The following DCLK1 variants were observed in gnomAD, a reference collection of about 807,000 sequenced individuals.
DCLK1 encodes the protein serine/threonine-protein kinase DCLK1.
In DCLK1, 16 loss-of-function variants were observed where a neutral mutation model predicts 86.2. The ratio of observed to expected loss-of-function variants is 0.19; its 90% CI spans 0.13 to 0.28. The LOEUF is 0.28. Ranked by LOEUF, DCLK1 falls within the 10% of genes least tolerant of loss-of-function variation. The pLI is 1.00. For synonymous variants in DCLK1, 369 were observed against 370.5 expected (o/e 1.00, Z 0.05); for missense variants, 590 against 940.2 (o/e 0.63, Z 4.87).
chr13:36,060,388 G>C (rs1349952265), intron 3 of DCLK1, among the ~76,000 whole-genome samples: 2 of 152,086 alleles, frequency 1.3e-5, no homozygotes, highest in Admixed American at 6.5e-5. Context: ...CAGTGGTACA[G>C]TGGCCAGAAA....
intron 3 of DCLK1, among the ~76,000 whole-genome samples, chr13:36,107,659 T>G (rs1320030109): frequency 6.6e-6 from 1 of 152,154 alleles, no homozygotes; most frequent in Non-Finnish European, 1.5e-5. Flanking sequence ...ATCTATGTTC[T>G]TTATAGTATA....
intron 8 of DCLK1, among the ~76,000 whole-genome samples, chr13:35,833,437 G>A (rs1179083805): frequency 6.6e-6 from 1 of 152,164 alleles, no homozygotes; most frequent in Admixed American, 6.5e-5. Context: ...CAGCTTCAAA[G>A]TAGAGCATGT....
At chr13:35,930,139 T>A (rs748506083) in intron 4 of DCLK1, among the ~76,000 whole-genome samples, 1 of 152,200 alleles carries the variant, frequency 6.6e-6, no homozygotes, top group Non-Finnish European at 1.5e-5. Context: ...TTTCCTGAAG[T>A]AGATATTTAA....
chr13:36,117,095 G>C (rs1885817349), intron 2 of DCLK1, among the ~76,000 whole-genome samples: 1 of 151,896 alleles, frequency 6.6e-6, no homozygotes, highest in Non-Finnish European at 1.5e-5. Context: ...AAATGAACTT[G>C]AATGTGTATG....
At chr13:36,072,749 C>T (rs1335867844) in intron 3 of DCLK1, among the ~76,000 whole-genome samples, 1 of 152,162 alleles carries the variant, frequency 6.6e-6, no homozygotes, top group Non-Finnish European at 1.5e-5. Flanking sequence ...AGCCATACAC[C>T]CTGCAACCAG....
At position 35,773,166 on chromosome 13, in the gene DCLK1, G is replaced by A. The variant is rs1254599604; in HGVS notation, c.*1369C>T. On this transcript the variant is annotated 3_prime_UTR_variant, in exon 17 of 17. Transcript: ENST00000360631. ...TGGAATCTGTTCCAGAAGAAACTCA[G>A]GCCTGGAGACACTGCACTAGGGAGA... is the stretch of plus-strand genomic sequence containing the variant. 6.6e-6 allele frequency: 1 copy of A among 152,508 alleles called. No individual in the cohort carries two copies. Among genetic ancestry groups the A allele is most frequent in the East Asian group, 1.9e-4 (1 of 5,184 alleles). 9.4% of individuals were successfully genotyped at this position (152,508 alleles called of 1,614,324 possible). A position where few individuals can be genotyped will look rare whatever the true frequency, so the allele number is the denominator to read the frequency against.
intron 10 of DCLK1, among the ~76,000 whole-genome samples, chr13:35,823,732 C>G (rs2087452004): frequency 6.6e-6 from 1 of 152,194 alleles, no homozygotes. Context: ...TACCAAACCG[C>G]TATGCACAGT....
chr13:35,846,403 C>T (rs1043520688), intron 6 of DCLK1: 20 of 985,180 alleles, frequency 2.0e-5, no homozygotes, highest in Middle Eastern at 5.2e-4. Context: ...ACTACCCTGG[C>T]TTCAAAAACA....
rs140269668 is a variant in DCLK1, at chr13:35,936,962, C to CTTTTTTTTTTTT, written c.823+10384_823+10395dup. ...TTAAAACATCCAAAAGAAAAGTTAG[C>CTTTTTTTTTTTT]TTTTTTTTTTTTTTTTTTTTTTTTT... On this transcript the variant is annotated intron_variant, in intron 4 of 16. Coordinates refer to ENST00000360631, the MANE Select transcript of DCLK1 (RefSeq NM_001330071.2). Among the ~76,000 whole-genome samples the CTTTTTTTTTTTT allele has an allele frequency of 6.1e-5, 4 of 65,712 alleles. 1 individual carries two copies. The highest frequency in any genetic ancestry group is 2.0e-4 in the Admixed American group (1 of 5,082). The allele number at this position is 65,712 out of a possible 152,430, so 43.1% of individuals were successfully genotyped here.
intron 8 of DCLK1, among the ~76,000 whole-genome samples, chr13:35,830,967 G>T (rs1868914479): frequency 6.6e-6 from 1 of 151,700 alleles, no homozygotes; most frequent in Non-Finnish European, 1.5e-5. Context: ...CAGGAGGGCT[G>T]AACCCCCTTT....
intron 15 of DCLK1, among the ~76,000 whole-genome samples, chr13:35,799,645 C>T (rs2086880854): frequency 6.6e-6 from 1 of 151,886 alleles, no homozygotes; most frequent in Non-Finnish European, 1.5e-5. Context: ...AGAAGAATAA[C>T]TCGGGATAAG....
chr13:35,989,778 C>G (rs1593796820), intron 3 of DCLK1, among the ~76,000 whole-genome samples: 4 of 150,696 alleles, frequency 2.7e-5, no homozygotes, highest in South Asian at 2.1e-4. Flanking sequence ...TCTTGAACTC[C>G]TGGTTTCAAG....
chr13:35,776,574 T>C (rs181007381), intron 16 of DCLK1, among the ~76,000 whole-genome samples: 4 of 152,344 alleles, frequency 2.6e-5, no homozygotes, highest in East Asian at 3.9e-4. Flanking sequence ...TCTCATCTTT[T>C]AAATAAGAAG....
chr13:36,038,594 C>A (rs1882591552), intron 3 of DCLK1, among the ~76,000 whole-genome samples: 2 of 152,142 alleles, frequency 1.3e-5, no homozygotes, highest in Non-Finnish European at 2.9e-5. Context: ...AACTTATGCA[C>A]AACTGATCTT....
At chr13:36,098,009 G>T (rs6563340) in intron 3 of DCLK1, among the ~76,000 whole-genome samples, 151,881 of 152,316 alleles carry the variant, frequency 1, 75,724 homozygotes, top group East Asian at 1. Context: ...ATCTGTGAAA[G>T]GGAGATAACA....
chr13:35,947,818 T>G (rs560420247), intron 3 of DCLK1, among the ~76,000 whole-genome samples: 1 of 152,302 alleles, frequency 6.6e-6, no homozygotes, highest in African/African-American at 2.4e-5. Context: ...CAGCATATGG[T>G]TTTAACAACA....
At position 35,889,137 on chromosome 13, in the gene DCLK1, G is replaced by A. The variant is rs187736509; in HGVS notation, c.824-17797C>T. Among the ~76,000 whole-genome samples the A allele has an allele frequency of 3.1e-3, 479 of 152,204 alleles. 6 individuals are homozygous for A. The highest frequency in any genetic ancestry group is 3.0e-3 in the Non-Finnish European group (204 of 68,008). On this transcript the variant is annotated intron_variant, in intron 4 of 16. Coordinates refer to ENST00000360631, the MANE Select transcript of DCLK1 (RefSeq NM_001330071.2). ...AAAAATTACAGAAACCTAAAACATC[G>A]TTTAGCTAAGAGAGAAGCTATTGAA...
chr13:35,834,529 A>G (rs1029401331), intron 8 of DCLK1, among the ~76,000 whole-genome samples: 2 of 152,226 alleles, frequency 1.3e-5, no homozygotes, highest in African/African-American at 4.8e-5. Context: ...CAATACTGAT[A>G]TTATGAAAGT....
chr13:35,804,874 C>G (rs1160907740), intron 15 of DCLK1, among the ~76,000 whole-genome samples: 1 of 152,224 alleles, frequency 6.6e-6, no homozygotes, highest in African/African-American at 2.4e-5. Context: ...AGAACAGCCA[C>G]AGAGGCAGCA....
Sources: gnomAD v4.1 joint callset for allele counts (sites outside exome capture counted in the v4.1 genomes callset) on GRCh38, gnomAD v4.1.1 for gene constraint, MANE v1.5 for transcripts, NCBI Gene and HGNC (gene_info 2026-07-23, HGNC 2026-07-21) for gene names.